The following LRMDA variants were observed in gnomAD, a reference collection of about 807,000 sequenced individuals.
LRMDA encodes the protein leucine-rich melanocyte differentiation-associated protein.
LRMDA carries 18 observed loss-of-function variants against 29.8 expected under a neutral mutation model. The observed-to-expected ratio is 0.60, with a 90% CI of 0.42 to 0.90. The LOEUF is 0.90. Among genes scored for constraint, LRMDA ranks in the 40% least tolerant of loss-of-function variants. LRMDA has a pLI of 0.00. For synonymous variants in LRMDA, 125 were observed against 109.4 expected (o/e 1.14, Z -0.89); for missense variants, 273 against 273.9 (o/e 1.00, Z 0.02).
At chr10:75,706,167 A>G (rs867945202) in intron 2 of LRMDA, among the ~76,000 whole-genome samples, 1 of 152,186 alleles carries the variant, frequency 6.6e-6, no homozygotes, top group Non-Finnish European at 1.5e-5. Flanking sequence ...TCTATCAAAC[A>G]AGGATTCCAT....
At chr10:75,456,520 ACT>A (rs1844519658) in intron 2 of LRMDA, among the ~76,000 whole-genome samples, 1 of 151,948 alleles carries the variant, frequency 6.6e-6, no homozygotes, top group Non-Finnish European at 1.5e-5. Flanking sequence ...CTTTGCAGAA[ACT>A]CTGTCTCCCA....
intron 2 of LRMDA, among the ~76,000 whole-genome samples, chr10:75,592,142 G>A (rs1003844240): frequency 4.6e-5 from 7 of 152,202 alleles, no homozygotes; most frequent in Non-Finnish European, 8.8e-5. Context: ...GGAATGAGCT[G>A]GGGTGCAAGG....
At chr10:75,469,103 A>T (rs1484863594) in intron 2 of LRMDA, among the ~76,000 whole-genome samples, 1 of 152,062 alleles carries the variant, frequency 6.6e-6, no homozygotes, top group African/African-American at 2.4e-5. Context: ...ACGTCTTGGG[A>T]AAGAAAATGG....
At chr10:76,511,814 C>A (rs1843011622) in intron 6 of LRMDA, among the ~76,000 whole-genome samples, 1 of 147,970 alleles carries the variant, frequency 6.8e-6, no homozygotes, top group Non-Finnish European at 1.5e-5. Flanking sequence ...CTAGATTCAG[C>A]ACAATTCCTA....
intron 2 of LRMDA, among the ~76,000 whole-genome samples, chr10:75,478,732 C>T (rs757807506): frequency 1.3e-5 from 2 of 152,054 alleles, no homozygotes; most frequent in Admixed American, 6.5e-5. Context: ...TAAGGATTTC[C>T]GTGGAAATTG....
chr10:76,224,445 A>C (rs1028952203), intron 5 of LRMDA, among the ~76,000 whole-genome samples: 7 of 151,950 alleles, frequency 4.6e-5, no homozygotes, highest in African/African-American at 1.7e-4. Context: ...GGTAGCATGC[A>C]CCTGTGGTCC....
chr10:75,957,884 T>C (rs1360470774), intron 2 of LRMDA, among the ~76,000 whole-genome samples: 1 of 152,114 alleles, frequency 6.6e-6, no homozygotes, highest in Non-Finnish European at 1.5e-5. Flanking sequence ...ATGTAATAAA[T>C]AGCTGTGCTC....
At chr10:75,566,163 C>G (rs1009282140) in intron 2 of LRMDA, among the ~76,000 whole-genome samples, 5 of 152,214 alleles carry the variant, frequency 3.3e-5, no homozygotes, top group African/African-American at 1.2e-4. Context: ...CTTTAAAACA[C>G]AGCAGTATCA....
At chr10:75,548,121 C>G (rs1840100813) in intron 2 of LRMDA, among the ~76,000 whole-genome samples, 1 of 151,148 alleles carries the variant, frequency 6.6e-6, no homozygotes, top group African/African-American at 2.4e-5. Flanking sequence ...AAACACAACA[C>G]TCCAGGGACA....
At chr10:76,528,839 A>G (rs1589226263) in intron 6 of LRMDA, among the ~76,000 whole-genome samples, 1 of 152,244 alleles carries the variant, frequency 6.6e-6, no homozygotes, top group East Asian at 1.9e-4. Flanking sequence ...CTCAAGTTTG[A>G]TTTATGGTCA....
intron 2 of LRMDA, among the ~76,000 whole-genome samples, chr10:75,726,536 G>A (rs142627896): frequency 2.6e-5 from 4 of 152,262 alleles, no homozygotes; most frequent in East Asian, 1.9e-4. Context: ...CAGGTCTTAC[G>A]ATTTCTTACT....
At chr10:76,112,171 G>T (rs1305906368) in intron 5 of LRMDA, among the ~76,000 whole-genome samples, 3 of 152,204 alleles carry the variant, frequency 2.0e-5, no homozygotes, top group Non-Finnish European at 4.4e-5. Context: ...CTGGCGGGAG[G>T]GCGGACGGGG....
At chr10:76,208,929 G>A (rs965697553) in intron 5 of LRMDA, among the ~76,000 whole-genome samples, 3 of 152,040 alleles carry the variant, frequency 2.0e-5, no homozygotes, top group Non-Finnish European at 4.4e-5. Flanking sequence ...CGAGGAGGGC[G>A]GATCACCTGA....
chr10:76,469,407 G>C (rs576037353), intron 6 of LRMDA, among the ~76,000 whole-genome samples: 1 of 152,158 alleles, frequency 6.6e-6, no homozygotes. Context: ...CACAGGTGAA[G>C]CTAACTGAGA....
intron 6 of LRMDA, among the ~76,000 whole-genome samples, chr10:76,457,782 GC>G (rs1374825066): frequency 6.6e-6 from 1 of 151,034 alleles, no homozygotes; most frequent in Non-Finnish European, 1.5e-5. Context: ...GTGACCAGAG[GC>G]TTTCAGGAAC....
intron 5 of LRMDA, among the ~76,000 whole-genome samples, chr10:76,229,793 T>C (rs1262885006): frequency 1.3e-5 from 2 of 152,128 alleles, no homozygotes; most frequent in Admixed American, 1.3e-4. Context: ...TCCTTTTTTA[T>C]AGCTGCTCCA....
At chr10:75,479,657 C>T (rs1564781804) in intron 2 of LRMDA, among the ~76,000 whole-genome samples, 1 of 152,168 alleles carries the variant, frequency 6.6e-6, no homozygotes, top group East Asian at 1.9e-4. Context: ...CACTGGGAAA[C>T]AGCAGTGAAA....
chr10:76,393,661 T>C (rs1841749405), intron 6 of LRMDA, among the ~76,000 whole-genome samples: 2 of 152,184 alleles, frequency 1.3e-5, no homozygotes, highest in African/African-American at 4.8e-5. Context: ...AGCTTTTTAG[T>C]TTGATGTAAT....
chr10:76,108,427 C>T (rs896268371), intron 5 of LRMDA, among the ~76,000 whole-genome samples: 2 of 152,102 alleles, frequency 1.3e-5, no homozygotes, highest in African/African-American at 4.8e-5. Context: ...AGCCAGAAAG[C>T]TACCTGGGAC....
Sources: gnomAD v4.1 joint callset for allele counts (sites outside exome capture counted in the v4.1 genomes callset) on GRCh38, gnomAD v4.1.1 for gene constraint, MANE v1.5 for transcripts, NCBI Gene and HGNC (gene_info 2026-07-23, HGNC 2026-07-21) for gene names.